The following WDR19 variants were observed in gnomAD, a reference collection of about 807,000 sequenced individuals.
The protein encoded by WDR19 is WD repeat-containing protein 19.
A neutral mutation model predicts 180.0 loss-of-function variants in WDR19; 121 were observed. The ratio of observed to expected loss-of-function variants is 0.67; its 90% CI spans 0.58 to 0.78. The LOEUF is 0.78. Ranked by LOEUF, WDR19 falls within the 30% of genes least tolerant of loss-of-function variation. WDR19 has a pLI of 0.00. For missense variants in WDR19, 1,450 were observed against 1,640.7 expected, an observed-to-expected ratio of 0.88 and a Z score of 2.01; for synonymous variants, 497 against 540.7, an observed-to-expected ratio of 0.92 and a Z score of 1.12.
At chr4:39,240,920 C>T (rs1731877427) in intron 21 of WDR19, among the ~76,000 whole-genome samples, 1 of 148,714 alleles carries the variant, frequency 6.7e-6, no homozygotes, top group African/African-American at 2.5e-5. Context: ...CATGCCACTG[C>T]ACTCCAGCCT....
chr4:39,269,612 G>A (rs1272179678), intron 30 of WDR19, among the ~76,000 whole-genome samples: 3 of 152,192 alleles, frequency 2.0e-5, no homozygotes, highest in African/African-American at 7.2e-5. Flanking sequence ...TTGGGAGGCC[G>A]AGGAGGGTGG....
intron 24 of WDR19, among the ~76,000 whole-genome samples, chr4:39,251,160 G>C (rs1466084188): frequency 6.6e-6 from 1 of 152,100 alleles, no homozygotes; most frequent in South Asian, 2.1e-4. Flanking sequence ...CCAAAACAGA[G>C]ATATAGATCA....
At chr4:39,207,182 A>G (rs1232613396) in intron 9 of WDR19, among the ~76,000 whole-genome samples, 1 of 152,238 alleles carries the variant, frequency 6.6e-6, no homozygotes, top group Non-Finnish European at 1.5e-5. Context: ...TTAGAACTAT[A>G]AAATGCAATA....
chr4:39,243,931 G>A (rs1732234339), intron 21 of WDR19, among the ~76,000 whole-genome samples: 1 of 152,036 alleles, frequency 6.6e-6, no homozygotes, highest in Admixed American at 6.6e-5. Flanking sequence ...TTTATTCATA[G>A]CATTTATGCT....
intron 36 of WDR19, among the ~76,000 whole-genome samples, chr4:39,281,203 A>ATGTGTGTGTGTGTGTGTGTGTG (rs1254088982): frequency 2.7e-5 from 2 of 74,286 alleles, no homozygotes; most frequent in African/African-American, 1.7e-4. Context: ...TCCTAAATAT[A>ATGTGTGTGTGTGTGTGTGTGTG]TATGTGTGTG....
chr4:39,253,956 T>C lies in WDR19; in HGVS notation c.2927T>C (p.Met976Thr). ...GGGTCTGCCATCCAGTTTCTTGTCA[T>C]GTCCAAATGCAACAATGAAGCTTTC... ...DYGSAIQFLV[M>T]SKCNNEAFTL... Residue 976 changes from methionine to threonine, a missense_variant, in exon 26 of 37, where the codon ATG becomes ACG. Physicochemically the swap from Met to Thr is moderately conservative, Grantham distance 81. Coordinates refer to ENST00000399820, the MANE Select transcript of WDR19 (RefSeq NM_025132.4). 2 of 1,611,960 alleles carry C rather than the reference T, an allele frequency of 1.2e-6. No individual in the cohort carries two copies. Among genetic ancestry groups the C allele is most frequent in the Non-Finnish European group, 1.7e-6 (2 of 1,178,412 alleles).
chr4:39,232,238 A>G lies in WDR19; in HGVS notation c.2219A>G (p.Tyr740Cys). ...TNDYNLAQDL[Y>C]LASSCPIAAL... ...GATTATAACCTGGCTCAGGACTTGTACCTTGCATCCAGCTGTCCTATTGCT... is the reference window on the plus strand; with the variant it reads ...GATTATAACCTGGCTCAGGACTTGTGCCTTGCATCCAGCTGTCCTATTGCT... Residue 740 changes from tyrosine (Y) to cysteine (C), a missense_variant, in exon 19 of 37, where the codon TAC becomes TGC. Tyr to Cys is a radical substitution (Grantham distance 194). Coordinates refer to ENST00000399820, the MANE Select transcript of WDR19 (RefSeq NM_025132.4). 2.5e-6 allele frequency: 4 copies of G among 1,612,114 alleles called. No homozygotes were observed. The highest frequency in any genetic ancestry group is 3.4e-6 in the Non-Finnish European group (4 of 1,179,276).
At chr4:39,250,341 T>C (rs1361396245) in intron 24 of WDR19, among the ~76,000 whole-genome samples, 2 of 152,214 alleles carry the variant, frequency 1.3e-5, no homozygotes, top group Non-Finnish European at 2.9e-5. Context: ...AATTTAGGTA[T>C]TGATGAGACG....
chr4:39,274,780 GT>G, intron 32 of WDR19, 27 bp from the exon 33 acceptor site: 1 of 1,605,178 alleles, frequency 6.2e-7, no homozygotes, highest in Non-Finnish European at 8.5e-7. Context: ...ACACTGTGCT[GT>G]TGCTGCTCTC....
intron 14 of WDR19, among the ~76,000 whole-genome samples, chr4:39,222,604 T>A (rs990293724): frequency 6.6e-6 from 1 of 152,216 alleles, no homozygotes; most frequent in Non-Finnish European, 1.5e-5. Context: ...ATAGATCACT[T>A]TTTGCAAATG....
rs751386429 is a variant in WDR19 at position 39,253,193 on chromosome 4, G to A, written c.2777G>A (p.Ser926Asn). The change falls in exon 25 of 37, where the codon AGT (serine) becomes AAT (asparagine). Residue 926 changes from serine (S) to asparagine (N), a missense_variant. Coordinates refer to ENST00000399820, the MANE Select transcript of WDR19 (RefSeq NM_025132.4). ...TATGAAAATGCAAAACAGTGGCAAA[G>A]TGTAATCCGCATCTATCTGGATCAC... Reference protein sequence around the residue: ...VAYENAKQWQSVIRIYLDHLN... With the variant: ...VAYENAKQWQNVIRIYLDHLN... 6.2e-7 allele frequency: 1 copy of A among 1,613,028 alleles called. No homozygotes were observed.
chr4:39,276,880 G>C, intron 33 of WDR19, 140 bp from the exon 34 acceptor site: 1 of 1,059,108 alleles, frequency 9.4e-7, no homozygotes, highest in South Asian at 1.4e-5. Flanking sequence ...GTGTGAGCTT[G>C]TAAGTATCTC....
In WDR19 at chr4:39,270,051, C is replaced by T. The variant is rs199625785; in HGVS notation, c.3434C>T (p.Ser1145Phe). The T allele has an allele frequency of 2.9e-5, 46 of 1,613,884 alleles. No homozygotes were observed. The East Asian group carries it at 4.7e-4, about 16-fold the overall frequency. ...ELKSQKIKIP[S>F]EMATNLMILH... ...AAATCCCAGAAGATCAAAATTCCCT[C>T]CGAGATGGCCACCAACCTCATGATT... Residue 1145 changes from serine (S) to phenylalanine (F), a missense_variant, in exon 31 of 37, where the codon TCC (serine) becomes TTC (phenylalanine). By Grantham distance (155) the Ser-to-Phe change is radical. Transcript: ENST00000399820.
intron 4 of WDR19, among the ~76,000 whole-genome samples, chr4:39,190,884 A>T (rs945340242): frequency 7.9e-5 from 12 of 152,224 alleles, no homozygotes; most frequent in African/African-American, 2.9e-4. Context: ...GGAAAGTTTA[A>T]TAAACTTCAA....
At position 39,234,962 on chromosome 4, in the gene WDR19, C is replaced by T. The variant is rs114629465; in HGVS notation, c.2363+87C>T. On this transcript the variant is annotated intron_variant, in intron 20 of 36. Coordinates refer to ENST00000399820, the MANE Select transcript of WDR19 (RefSeq NM_025132.4). ...AAACTTCCATTAATGATAAGGCCCT[C>T]CATTGATTTAATAATTTTTTTAGAG... 963 of 717,776 alleles carry T rather than the reference C, an allele frequency of 1.3e-3. 7 individuals are homozygous for T. The African/African-American group carries it at 0.015, about 11-fold the overall frequency. 44.5% of individuals were successfully genotyped at this position (717,776 alleles called of 1,614,324 possible). A position where few individuals can be genotyped will look rare whatever the true frequency, so the allele number is the denominator to read the frequency against.
rs1725558423 is a variant in WDR19, at chr4:39,186,478, C to CCA, written c.99-61_99-60insCA. On this transcript the variant is annotated intron_variant, in intron 2 of 36. Transcript: ENST00000399820. The stretch of plus-strand genomic sequence containing the variant: ...TGGGCAACAGAGGGAGACTCTGTCT[C>CCA]AAAAAAAAAAAAAAAAAAAAAAAAA... The CCA allele has an allele frequency of 2.0e-4, 72 of 363,452 alleles. No individual in the cohort carries two copies. The African/African-American group carries it at 2.7e-3, about 14-fold the overall frequency. The allele number at this position is 363,452 out of a possible 1,614,324, so 22.5% of individuals were successfully genotyped here.
chr4:39,249,696 A>G (rs1732937829), intron 24 of WDR19, among the ~76,000 whole-genome samples: 1 of 152,258 alleles, frequency 6.6e-6, no homozygotes, highest in Non-Finnish European at 1.5e-5. Flanking sequence ...ACAAACTGCC[A>G]TCAGAGAATA....
intron 9 of WDR19, among the ~76,000 whole-genome samples, chr4:39,213,795 TA>T (rs1728775677): frequency 6.6e-6 from 1 of 152,200 alleles, no homozygotes; most frequent in African/African-American, 2.4e-5. Context: ...TCAATGTCAG[TA>T]TCCTGATTGT....
chr4:39,267,558 T>C (rs537998968), intron 29 of WDR19, among the ~76,000 whole-genome samples: 3 of 152,246 alleles, frequency 2.0e-5, no homozygotes, highest in African/African-American at 7.2e-5. Context: ...AAAATTGATA[T>C]GCATATAAAA....
Sources: gnomAD v4.1 joint callset for allele counts (sites outside exome capture counted in the v4.1 genomes callset) on GRCh38, gnomAD v4.1.1 for gene constraint, MANE v1.5 for transcripts, NCBI Gene and HGNC (gene_info 2026-07-23, HGNC 2026-07-21) for gene names.